MTUS1: variants seen among roughly 807,000 people sequenced by gnomAD.
The protein encoded by MTUS1 is microtubule associated scaffold protein 1, also known as microtubule-associated tumor suppressor 1.
MTUS1 carries 109 observed loss-of-function variants against 120.8 expected under a neutral mutation model. The observed-to-expected ratio is 0.90, with a 90% confidence interval of 0.77 to 1.06. The LOEUF (loss-of-function observed/expected upper bound fraction) is 1.06, where lower values mean the gene tolerates loss of function less well. MTUS1 is among the 50% of genes least tolerant of loss of function. MTUS1 has a pLI of 0.00. For missense variants in MTUS1, 2,210 were observed against 1,486.3 expected (o/e 1.49, Z -8.01); for synonymous variants, 737 against 550.5 (o/e 1.34, Z -4.74).
At chr8:17,660,075 A>C (rs925624224) in intron 8 of MTUS1, among the ~76,000 whole-genome samples, 1 of 152,010 alleles carries the variant, frequency 6.6e-6, no homozygotes, top group African/African-American at 2.4e-5. Flanking sequence ...TGAAGGCTCA[A>C]TATTATTCCA....
Position 17,689,206 on chromosome 8 carries a change from G to A in MTUS1, c.2624-4664C>T, listed in dbSNP as rs114745130. ...AGCCTGGGTGACAGAGCAAGACTCC[G>A]TTCTCAAAAACAAACAAACAAACAA... On this transcript the variant is annotated intron_variant, in intron 6 of 14. Transcript: ENST00000693296. Among the ~76,000 whole-genome samples the A allele has an allele frequency of 9.7e-3, 1,479 of 151,962 alleles. 28 individuals carry two copies. Among genetic ancestry groups the A allele is most frequent in the African/African-American group, 0.032 (1,345 of 41,466 alleles).
intron 1 of MTUS1, among the ~76,000 whole-genome samples, chr8:17,781,759 T>A (rs1171509467): frequency 6.6e-6 from 1 of 152,188 alleles, no homozygotes; most frequent in Non-Finnish European, 1.5e-5. Flanking sequence ...GTGATCAACC[T>A]CTGGCATCAG....
At chr8:17,714,586 C>T (rs1821948229) in intron 5 of MTUS1, among the ~76,000 whole-genome samples, 1 of 152,022 alleles carries the variant, frequency 6.6e-6, no homozygotes, top group African/African-American at 2.4e-5. Context: ...CATAGAATAG[C>T]CATTTAAAGT....
chr8:17,781,200 A>G (rs1411900076), intron 1 of MTUS1, among the ~76,000 whole-genome samples: 1 of 152,236 alleles, frequency 6.6e-6, no homozygotes, highest in Non-Finnish European at 1.5e-5. Flanking sequence ...AAGAAATACT[A>G]CGTTTCAAAT....
chr8:17,710,708 T>G (rs565646599), intron 6 of MTUS1, among the ~76,000 whole-genome samples: 2 of 152,318 alleles, frequency 1.3e-5, no homozygotes, highest in African/African-American at 4.8e-5. Context: ...CAGAAGGTTT[T>G]CAACTGACTT....
In MTUS1 at chr8:17,723,706, G is replaced by A. The variant is rs370166417; in HGVS notation, c.2415C>T (p.Ser805=). The A allele has an allele frequency of 6.0e-5, 97 of 1,610,974 alleles. 2 individuals carry two copies. The highest frequency in any genetic ancestry group is 7.7e-5 in the Non-Finnish European group (91 of 1,177,860). Residue 805 remains serine, a synonymous_variant, in exon 4 of 15, where the codon AGC becomes AGT. Transcript: ENST00000693296. The part of the protein sequence containing the change: ...RRTGSTPSIA[S]THSELSTYSN... ...TGTAAGTGCTCAGCTCACTGTGGGT[G>A]CTGGCTATTGAGGGGGTGCTTCCTG...
chr8:17,756,037 G>A (rs536735047), intron 1 of MTUS1, 76 bp from the exon 2 acceptor site: 6 of 850,964 alleles, frequency 7.1e-6, no homozygotes, highest in Non-Finnish European at 9.9e-6. Context: ...CAATCACTAA[G>A]TGATTAGTTT....
At chr8:17,705,156 G>T (rs551063683) in intron 6 of MTUS1, among the ~76,000 whole-genome samples, 3 of 151,870 alleles carry the variant, frequency 2.0e-5, no homozygotes, top group Non-Finnish European at 4.4e-5. Flanking sequence ...TAATTTTTTT[G>T]TATTTTTGGT....
intron 2 of MTUS1, among the ~76,000 whole-genome samples, chr8:17,752,726 G>A (rs1357588724): frequency 6.6e-6 from 1 of 152,014 alleles, no homozygotes; most frequent in African/African-American, 2.4e-5. Flanking sequence ...GCCCTCCAAG[G>A]GACAGGCTGT....
rs566162425 is a variant in MTUS1 at position 17,723,776 on chromosome 8, A to C, written c.2345T>G (p.Leu782Arg). Reference sequence around the variant, plus strand: ...TTTCAAAGATGCTTTGGATTTAGGAAGTGGTCTAGGCAAATTCACCCATGA... The same window carrying C: ...TTTCAAAGATGCTTTGGATTTAGGACGTGGTCTAGGCAAATTCACCCATGA... The part of the protein sequence containing the change: ...QSSWVNLPRP[L>R]PKSKASLKSP... The change falls in exon 4 of 15, where the codon CTT (leucine) becomes CGT (arginine). Residue 782 changes from leucine (L) to arginine (R), a missense_variant. Transcript: ENST00000693296. The C allele has an allele frequency of 6.2e-7, 1 of 1,610,242 alleles. No individual in the cohort carries two copies. The highest frequency in any genetic ancestry group is 8.5e-7 in the Non-Finnish European group (1 of 1,177,472).
intron 10 of MTUS1, chr8:17,653,790 G>C (rs1807585705): frequency 3.4e-6 from 1 of 295,066 alleles, no homozygotes; most frequent in African/African-American, 2.2e-5. Flanking sequence ...TTCAGGGCAG[G>C]CTCTCATAAA....
chr8:17,749,981 G>A (rs1317845559), intron 2 of MTUS1, among the ~76,000 whole-genome samples: 1 of 152,152 alleles, frequency 6.6e-6, no homozygotes, highest in East Asian at 1.9e-4. Flanking sequence ...GAGCTCAATA[G>A]AGACTTAGTA....
chr8:17,652,987 C>G (rs1392154059), intron 12 of MTUS1, among the ~76,000 whole-genome samples, 199 bp downstream of exon 12: 1 of 152,110 alleles, frequency 6.6e-6, no homozygotes, highest in East Asian at 1.9e-4. Flanking sequence ...TGGACTTCAT[C>G]CGTATGTCAG....
chr8:17,746,177 G>A (rs1006701769), intron 2 of MTUS1, among the ~76,000 whole-genome samples: 1 of 152,088 alleles, frequency 6.6e-6, no homozygotes, highest in East Asian at 1.9e-4. Context: ...CCTAGCCTTG[G>A]CCCTGTTCTC....
rs56822917 is a variant in MTUS1 at position 17,756,676 on chromosome 8, C to CCCCCCCG, written c.-154-716_-154-715insCGGGGGG. Among the ~76,000 whole-genome samples the CCCCCCCG allele has an allele frequency of 1.1e-4, 7 of 62,432 alleles. 1 individual carries two copies. The highest frequency in any genetic ancestry group is 1.6e-4 in the Admixed American group (1 of 6,338). The allele number at this position is 62,432 out of a possible 152,430, so 41.0% of individuals were successfully genotyped here. A position where few individuals can be genotyped will look rare whatever the true frequency, so the allele number is the denominator to read the frequency against. ...AATTCATATGTCAAGCCCAAACCCC[C>CCCCCCCG]ACCCCTTATGTAACTATGTTGGAGA... On this transcript the variant is annotated intron_variant, in intron 1 of 14. Coordinates refer to ENST00000693296, the MANE Select transcript of MTUS1 (RefSeq NM_001363059.2).
chr8:17,716,907 T>C (rs1268608227), intron 4 of MTUS1, among the ~76,000 whole-genome samples: 2 of 152,226 alleles, frequency 1.3e-5, no homozygotes, highest in Non-Finnish European at 2.9e-5. Flanking sequence ...AATTCTATTC[T>C]ACTATTCAAC....
At chr8:17,679,121 A>T (rs1349505436) in intron 7 of MTUS1, among the ~76,000 whole-genome samples, 1 of 121,256 alleles carries the variant, frequency 8.2e-6, no homozygotes, top group Non-Finnish European at 1.9e-5. Context: ...TAGTTGCAAG[A>T]TTCTCTTAAC....
intron 3 of MTUS1, among the ~76,000 whole-genome samples, chr8:17,724,331 A>G (rs989934767): frequency 2.3e-4 from 35 of 152,184 alleles, no homozygotes; most frequent in African/African-American, 8.0e-4. Context: ...TTATACACAG[A>G]AAACAGAACT....
At chr8:17,676,853 A>T (rs11203892) in intron 7 of MTUS1, among the ~76,000 whole-genome samples, 90,670 of 152,042 alleles carry the variant, frequency 0.6, 28,918 homozygotes, top group East Asian at 0.82. Context: ...TCGTTTACAA[A>T]TTTAAATGAC....
Sources: allele counts gnomAD v4.1 joint callset (sites outside exome capture counted in the v4.1 genomes callset), GRCh38; gene constraint gnomAD v4.1.1; transcripts MANE v1.5; gene names NCBI Gene and HGNC (gene_info 2026-07-23, HGNC 2026-07-21).